CRPPA: variants seen among roughly 807,000 people sequenced by gnomAD.
CRPPA encodes the protein D-ribitol-5-phosphate cytidylyltransferase.
A neutral mutation model predicts 52.0 loss-of-function variants in CRPPA; 43 were observed. The observed-to-expected ratio is 0.83, with a 90% CI of 0.65 to 1.07. The LOEUF is 1.07. CRPPA is among the 50% of genes least tolerant of loss of function. The pLI is 0.00. For missense variants in CRPPA, 629 were observed against 551.7 expected (o/e 1.14, Z -1.40); for synonymous variants, 250 against 203.5 (o/e 1.23, Z -1.94).
At chr7:16,150,781 G>A (rs1240114397) in intron 9 of CRPPA, among the ~76,000 whole-genome samples, 4 of 152,208 alleles carry the variant, frequency 2.6e-5, no homozygotes, top group Non-Finnish European at 5.9e-5. Flanking sequence ...GGGAAGTCCA[G>A]TACTGAGATG....
At chr7:16,274,284 G>T (rs1250486992) in intron 6 of CRPPA, among the ~76,000 whole-genome samples, 1 of 152,052 alleles carries the variant, frequency 6.6e-6, no homozygotes, top group East Asian at 1.9e-4. Flanking sequence ...TCCTGACTTC[G>T]TGATCCGCCC....
In CRPPA at chr7:16,357,204, A is replaced by C. The variant is rs528858115; in HGVS notation, c.684+18888T>G. Among the ~76,000 whole-genome samples, 23 of 148,944 alleles carry C rather than the reference A, an allele frequency of 1.5e-4. No individual in the cohort carries two copies. In the East Asian group the frequency reaches 4.3e-3, roughly 28 times the overall value. ...ATTTATTTATTTATTTTTGAGACAG[A>C]GTCTCGCTCTACCACCCAGGCTAGA... is the stretch of plus-strand genomic sequence containing the variant. On this transcript the variant is annotated intron_variant, in intron 3 of 9. Coordinates refer to ENST00000407010, the MANE Select transcript of CRPPA (RefSeq NM_001101426.4).
intron 9 of CRPPA, among the ~76,000 whole-genome samples, chr7:16,153,118 T>G (rs1352755075): frequency 6.6e-6 from 1 of 152,034 alleles, no homozygotes; most frequent in Non-Finnish European, 1.5e-5. Flanking sequence ...ATGCTTAGCT[T>G]TACATAAAAC....
rs557673262 is a variant in CRPPA, at chr7:16,134,014, C to T, written c.1252-42215G>A. Among the ~76,000 whole-genome samples, 510 of 124,082 alleles carry T rather than the reference C, an allele frequency of 4.1e-3. 134 individuals carry two copies. The highest frequency in any genetic ancestry group is 6.8e-3 in the Non-Finnish European group (369 of 54,494). 81.4% of individuals were successfully genotyped at this position (124,082 alleles called of 152,430 possible). On this transcript the variant is annotated intron_variant, in intron 9 of 9. Coordinates refer to ENST00000407010, the MANE Select transcript of CRPPA (RefSeq NM_001101426.4). ...TGGCGCAATCTCGGCTCACTGTAAGCTCCGCTTCCCGGGTTCACGCCATTC... is the reference window on the plus strand; with the variant it reads ...TGGCGCAATCTCGGCTCACTGTAAGTTCCGCTTCCCGGGTTCACGCCATTC...
At chr7:16,264,977 A>C (rs1238509911) in intron 6 of CRPPA, among the ~76,000 whole-genome samples, 1 of 152,204 alleles carries the variant, frequency 6.6e-6, no homozygotes, top group Admixed American at 6.5e-5. Flanking sequence ...CAGTAAAATG[A>C]GTACATCATA....
chr7:16,120,479 A>G (rs1404172935), intron 9 of CRPPA, among the ~76,000 whole-genome samples: 1 of 152,180 alleles, frequency 6.6e-6, no homozygotes, highest in Non-Finnish European at 1.5e-5. Context: ...GTCAGTACTT[A>G]GAGAAGGGTA....
Position 16,210,482 on chromosome 7 carries a change from A to G in CRPPA, c.1251+5584T>C, listed in dbSNP as rs543081728. On this transcript the variant is annotated intron_variant, in intron 9 of 9. Coordinates refer to ENST00000407010, the MANE Select transcript of CRPPA (RefSeq NM_001101426.4). ...ATCTTCTGGTTCTCTCTTGCATTCT[A>G]TGATGTTTCCAGACACTCTGTGCAA... 74 of 152,274 alleles carry G rather than the reference A, an allele frequency of 4.9e-4. 1 individual carries two copies. Among genetic ancestry groups the G allele is most frequent in the African/African-American group, 1.7e-3 (70 of 41,554 alleles). 9.4% of individuals were successfully genotyped at this position (152,274 alleles called of 1,614,324 possible).
intron 8 of CRPPA, among the ~76,000 whole-genome samples, chr7:16,232,635 G>A (rs970631039): frequency 6.6e-6 from 1 of 152,106 alleles, no homozygotes; most frequent in Admixed American, 6.6e-5. Context: ...ATAAAGAAGG[G>A]TCTTCCCTCA....
At chr7:16,389,763 C>T (rs1164462169) in intron 2 of CRPPA, among the ~76,000 whole-genome samples, 8 of 150,816 alleles carry the variant, frequency 5.3e-5, no homozygotes, top group Non-Finnish European at 7.4e-5. Context: ...GATAATTAGG[C>T]AAGAAAATGT....
chr7:16,253,073 T>G (rs991359848), intron 8 of CRPPA, among the ~76,000 whole-genome samples: 2 of 152,198 alleles, frequency 1.3e-5, no homozygotes, highest in African/African-American at 4.8e-5. Flanking sequence ...ATTCATTGAT[T>G]TTTTGAAGGG....
chr7:16,367,197 T>A (rs1299119064), intron 3 of CRPPA, among the ~76,000 whole-genome samples: 4 of 152,126 alleles, frequency 2.6e-5, no homozygotes, highest in Non-Finnish European at 5.9e-5. Flanking sequence ...TATGCCTTCT[T>A]ATCTCTTTCT....
At chr7:16,353,413 G>T (rs961957963) in intron 3 of CRPPA, among the ~76,000 whole-genome samples, 5 of 152,084 alleles carry the variant, frequency 3.3e-5, no homozygotes, top group African/African-American at 1.2e-4. Context: ...AAGAATGGTG[G>T]TTACCAGAGG....
rs1786187974 is a variant in CRPPA, at chr7:16,352,733, C to G, written c.684+23359G>C. Among the ~76,000 whole-genome samples, 5 of 152,034 alleles carry G rather than the reference C, an allele frequency of 3.3e-5. No homozygotes were observed. In the South Asian group the frequency reaches 1.0e-3, roughly 32 times the overall value. ...AGAATTATTATATGATCCAGCAATC[C>G]CACTTCTGGGTATATATCCAAAGAA... On this transcript the variant is annotated intron_variant, in intron 3 of 9. Coordinates refer to ENST00000407010, the MANE Select transcript of CRPPA (RefSeq NM_001101426.4).
intron 3 of CRPPA, among the ~76,000 whole-genome samples, chr7:16,340,512 A>G (rs1199159205): frequency 6.6e-6 from 1 of 151,948 alleles, no homozygotes; most frequent in Non-Finnish European, 1.5e-5. Context: ...CATTCAGGAA[A>G]TCCAAGTAAA....
chr7:16,179,575 C>G (rs1333591307), intron 9 of CRPPA, among the ~76,000 whole-genome samples: 3 of 152,052 alleles, frequency 2.0e-5, no homozygotes, highest in Non-Finnish European at 2.9e-5. Context: ...CAAAGTAATG[C>G]AGGCAGCCTT....
intron 3 of CRPPA, among the ~76,000 whole-genome samples, chr7:16,326,299 C>T (rs1785387116): frequency 6.6e-6 from 1 of 152,020 alleles, no homozygotes; most frequent in South Asian, 2.1e-4. Flanking sequence ...AATACAAAGA[C>T]AGGGGAAAAA....
At chr7:16,207,879 C>G (rs1272389740) in intron 9 of CRPPA, among the ~76,000 whole-genome samples, 1 of 152,122 alleles carries the variant, frequency 6.6e-6, no homozygotes, top group Non-Finnish European at 1.5e-5. Flanking sequence ...TCAGTGTTTT[C>G]CGTAAGTCCA....
At chr7:16,416,734 T>C (rs1788204618) in intron 1 of CRPPA, among the ~76,000 whole-genome samples, 1 of 151,996 alleles carries the variant, frequency 6.6e-6, no homozygotes, top group African/African-American at 2.4e-5. Flanking sequence ...CCCAGCTACT[T>C]GAGGGCCTGA....
chr7:16,362,073 C>A (rs996213685), intron 3 of CRPPA, among the ~76,000 whole-genome samples: 3 of 152,158 alleles, frequency 2.0e-5, no homozygotes, highest in Non-Finnish European at 4.4e-5. Context: ...CCAGGATGGT[C>A]TCGATCTCCT....
Sources: gnomAD v4.1 joint callset for allele counts (sites outside exome capture counted in the v4.1 genomes callset) on GRCh38, gnomAD v4.1.1 for gene constraint, MANE v1.5 for transcripts, NCBI Gene and HGNC (gene_info 2026-07-23, HGNC 2026-07-21) for gene names.